The following NMNAT2 variants were observed in gnomAD, a reference collection of about 807,000 sequenced individuals.
NMNAT2 encodes the protein nicotinamide nucleotide adenylyltransferase 2, also known as nicotinamide/nicotinic acid mononucleotide adenylyltransferase 2.
A neutral mutation model predicts 41.6 loss-of-function variants in NMNAT2; 11 were observed. The observed-to-expected ratio is 0.26, with a 90% CI of 0.17 to 0.44. NMNAT2 has a LOEUF of 0.44. NMNAT2 is among the 20% of genes least tolerant of loss of function. The pLI is 1.00. For synonymous variants in NMNAT2, 148 were observed against 151.2 expected (o/e 0.98, Z 0.16); for missense variants, 288 against 407.7 (o/e 0.71, Z 2.53).
At chr1:183,404,286 C>T (rs538387651) in intron 1 of NMNAT2, among the ~76,000 whole-genome samples, 1 of 152,170 alleles carries the variant, frequency 6.6e-6, no homozygotes, top group East Asian at 1.9e-4. Flanking sequence ...GACGGGGTTT[C>T]ACCATGTTGG....
chr1:183,410,525 C>T lies in NMNAT2; in HGVS notation c.85+7658G>A, dbSNP rs185277790. Among the ~76,000 whole-genome samples, 11 of 152,108 alleles carry T rather than the reference C, an allele frequency of 7.2e-5. No homozygotes were observed. The East Asian group carries it at 2.1e-3, about 29-fold the overall frequency. ...CAACATCTGCCATGTACTCCTTTGC[C>T]CATCACCTTTCGAGGCCCACTAAAA... On this transcript the variant is annotated intron_variant, in intron 1 of 10. Coordinates refer to ENST00000287713, the MANE Select transcript of NMNAT2 (RefSeq NM_015039.4).
chr1:183,327,299 G>A (rs1427273449), intron 1 of NMNAT2, among the ~76,000 whole-genome samples: 6 of 152,000 alleles, frequency 3.9e-5, no homozygotes, highest in Non-Finnish European at 5.9e-5. Context: ...CAAGTGATCC[G>A]CCTGCCTCGG....
At chr1:183,284,090 C>T in intron 6 of NMNAT2, 51 bp from the exon 7 acceptor site, 6 of 1,535,604 alleles carry the variant, frequency 3.9e-6, no homozygotes, top group Non-Finnish European at 4.5e-6. Context: ...CTTCCTGGTA[C>T]CCAACACACA....
chr1:183,366,728 A>G (rs1428137860), intron 1 of NMNAT2, among the ~76,000 whole-genome samples: 1 of 152,160 alleles, frequency 6.6e-6, no homozygotes, highest in East Asian at 1.9e-4. Flanking sequence ...GACATTTAAG[A>G]AGCATAGATG....
In NMNAT2 at chr1:183,313,894, A is replaced by G. The variant is rs139783255; in HGVS notation, c.86-20101T>C. ...AGGAAGGCTGGAAGAAAGGTCTTGA[A>G]GCAGAAATCTCTGCTTCCAAGGGCC... On this transcript the variant is annotated intron_variant, in intron 1 of 10. Coordinates refer to ENST00000287713, the MANE Select transcript of NMNAT2 (RefSeq NM_015039.4). 2.2e-3 allele frequency among the ~76,000 whole-genome samples: 331 copies of G among 152,358 alleles called. 1 individual carries two copies. The highest frequency in any genetic ancestry group is 0.014 in the Middle Eastern group (4 of 294).
chr1:183,372,928 T>A (rs1302818361), intron 1 of NMNAT2, among the ~76,000 whole-genome samples: 1 of 152,240 alleles, frequency 6.6e-6, no homozygotes. Flanking sequence ...TCTCCATGGA[T>A]TCTTCTTGTG....
intron 1 of NMNAT2, 67 bp downstream of exon 1, chr1:183,418,116 G>C: frequency 1.4e-6 from 2 of 1,473,246 alleles, no homozygotes; most frequent in South Asian, 2.3e-5. Flanking sequence ...GATCGCCCTG[G>C]AAAACACAGG....
chr1:183,372,207 C>T (rs758370609), intron 1 of NMNAT2, among the ~76,000 whole-genome samples: 75 of 152,254 alleles, frequency 4.9e-4, no homozygotes, highest in South Asian at 8.3e-4. Flanking sequence ...GAAACAAGGG[C>T]GTGCCTCTCA....
chr1:183,407,304 T>C (rs936243004), intron 1 of NMNAT2, among the ~76,000 whole-genome samples: 2 of 152,172 alleles, frequency 1.3e-5, no homozygotes, highest in African/African-American at 4.8e-5. Context: ...AAGCATGAGC[T>C]TTTCTATATT....
At chr1:183,391,214 G>C (rs1353692615) in intron 1 of NMNAT2, among the ~76,000 whole-genome samples, 3 of 152,026 alleles carry the variant, frequency 2.0e-5, no homozygotes, top group African/African-American at 7.2e-5. Flanking sequence ...TCCTCACTCT[G>C]CAAGGATGAC....
At chr1:183,327,288 T>G (rs1470602368) in intron 1 of NMNAT2, among the ~76,000 whole-genome samples, 4 of 152,166 alleles carry the variant, frequency 2.6e-5, no homozygotes, top group African/African-American at 9.7e-5. Flanking sequence ...ACTCCTGACC[T>G]CAAGTGATCC....
intron 1 of NMNAT2, among the ~76,000 whole-genome samples, chr1:183,379,283 C>A (rs535303901): frequency 6.6e-6 from 1 of 152,182 alleles, no homozygotes; most frequent in East Asian, 1.9e-4. Context: ...TGGGCTAAAG[C>A]AATCCTCCTG....
Position 183,251,862 on chromosome 1 carries a change from TGC to T in NMNAT2, c.*777_*778del. On this transcript the variant is annotated 3_prime_UTR_variant, in exon 11 of 11. Coordinates refer to ENST00000287713, the MANE Select transcript of NMNAT2 (RefSeq NM_015039.4). ...CTCACTCCTGATCAAAGGTTGCTGC[TGC>T]TGCTGCTGCTGCTGCTACTGCTATA... 6.1e-6 allele frequency: 1 copy of T among 164,030 alleles called. No homozygotes were observed. Among genetic ancestry groups the T allele is most frequent in the Non-Finnish European group, 1.3e-5 (1 of 74,858 alleles). The allele number at this position is 164,030 out of a possible 1,614,324, so 10.2% of individuals were successfully genotyped here. A position where few individuals can be genotyped will look rare whatever the true frequency, so the allele number is the denominator to read the frequency against.
At chr1:183,318,142 C>T (rs1304864841) in intron 1 of NMNAT2, among the ~76,000 whole-genome samples, 2 of 152,294 alleles carry the variant, frequency 1.3e-5, no homozygotes, top group South Asian at 2.1e-4. Context: ...AATTGGGCTT[C>T]GACTCCCAGA....
At chr1:183,276,132 C>T (rs928319346) in intron 8 of NMNAT2, among the ~76,000 whole-genome samples, 1 of 152,180 alleles carries the variant, frequency 6.6e-6, no homozygotes, top group African/African-American at 2.4e-5. Context: ...AGAATCCCTC[C>T]CCTTTTTCCA....
At chr1:183,293,680 G>A in intron 2 of NMNAT2, 25 bp downstream of exon 2, 1 of 1,542,496 alleles carries the variant, frequency 6.5e-7, no homozygotes, top group Non-Finnish European at 9.0e-7. Context: ...GATTGAAGAG[G>A]AGAGGGGCAC....
chr1:183,259,877 G>C (rs540500966), intron 10 of NMNAT2, among the ~76,000 whole-genome samples: 74 of 152,264 alleles, frequency 4.9e-4, no homozygotes, highest in Admixed American at 8.5e-4. Flanking sequence ...GGGATTACAG[G>C]TGTGAGCCAC....
At chr1:183,279,721 A>G (rs1469953872) in intron 7 of NMNAT2, among the ~76,000 whole-genome samples, 1 of 152,182 alleles carries the variant, frequency 6.6e-6, no homozygotes, top group Non-Finnish European at 1.5e-5. Context: ...TACTGGGCCA[A>G]TGGTGGGCAA....
At position 183,251,383 on chromosome 1, in the gene NMNAT2, T is replaced by A. The variant is rs201574350; in HGVS notation, c.*1258A>T. 1 of 152,250 alleles carries A rather than the reference T, an allele frequency of 6.6e-6. No individual in the cohort carries two copies. The highest frequency in any genetic ancestry group is 2.1e-4 in the South Asian group (1 of 4,816). 9.4% of individuals were successfully genotyped at this position (152,250 alleles called of 1,614,324 possible). ...CATCAGTTATCATCAGGGCAACAAA[T>A]TGCTTTCTCCTAGTTCATCCTGGAC... On this transcript the variant is annotated 3_prime_UTR_variant, in exon 11 of 11. Transcript: ENST00000287713.
Sources: allele counts gnomAD v4.1 joint callset (sites outside exome capture counted in the v4.1 genomes callset), GRCh38; gene constraint gnomAD v4.1.1; transcripts MANE v1.5; gene names NCBI Gene and HGNC (gene_info 2026-07-23, HGNC 2026-07-21).